SPAG16: variants seen among roughly 807,000 people sequenced by gnomAD.
SPAG16 encodes the protein sperm associated antigen 16, also known as sperm-associated antigen 16 protein.
In SPAG16, 86 loss-of-function variants were observed where a neutral mutation model predicts 80.4. The observed-to-expected ratio is 1.07, with a 90% CI of 0.90 to 1.28. The LOEUF (loss-of-function observed/expected upper bound fraction) is 1.28. Ranked by LOEUF, SPAG16 falls within the 50% of genes most tolerant of loss-of-function variation. SPAG16 has a pLI of 0.00. For missense variants in SPAG16, 870 were observed against 765.3 expected, an observed-to-expected ratio of 1.14 and a Z score of -1.61; for synonymous variants, 294 against 265.9, an observed-to-expected ratio of 1.11 and a Z score of -1.03.
chr2:213,291,416 T>C (rs2062269026), intron 1 of SPAG16, among the ~76,000 whole-genome samples: 1 of 152,238 alleles, frequency 6.6e-6, no homozygotes, highest in Admixed American at 6.5e-5. Context: ...AAATTTTAAA[T>C]ATAAATTATA....
chr2:213,431,392 C>A (rs971052251), intron 9 of SPAG16, among the ~76,000 whole-genome samples: 5 of 151,598 alleles, frequency 3.3e-5, no homozygotes, highest in Non-Finnish European at 7.4e-5. Flanking sequence ...CAACTACATG[C>A]TGCTTACTGG....
intron 15 of SPAG16, among the ~76,000 whole-genome samples, chr2:214,354,045 T>A (rs1415276578): frequency 6.6e-6 from 1 of 152,092 alleles, no homozygotes; most frequent in Admixed American, 6.6e-5. Context: ...TGTGATTATA[T>A]TACACATTGC....
At chr2:214,341,269 G>T (rs1697671371) in intron 15 of SPAG16, among the ~76,000 whole-genome samples, 1 of 152,046 alleles carries the variant, frequency 6.6e-6, no homozygotes, top group Non-Finnish European at 1.5e-5. Context: ...AGACACCAAG[G>T]ATCAACTCAA....
intron 9 of SPAG16, among the ~76,000 whole-genome samples, chr2:213,435,326 T>C (rs930137332): frequency 2.6e-5 from 4 of 152,140 alleles, no homozygotes; most frequent in African/African-American, 7.2e-5. Context: ...AAGTGAGTGC[T>C]AAAAAATGTA....
intron 12 of SPAG16, among the ~76,000 whole-genome samples, chr2:214,007,315 G>T (rs1221353309): frequency 6.6e-6 from 1 of 151,840 alleles, no homozygotes; most frequent in Non-Finnish European, 1.5e-5. Context: ...AAACAATATG[G>T]CCAGGGATGG....
intron 12 of SPAG16, among the ~76,000 whole-genome samples, chr2:213,969,045 A>G (rs1235728003): frequency 2.0e-5 from 3 of 152,192 alleles, no homozygotes; most frequent in African/African-American, 7.2e-5. Context: ...AACAAATGGC[A>G]TTTGAGGTGG....
intron 9 of SPAG16, among the ~76,000 whole-genome samples, chr2:213,385,760 A>G (rs60901776): frequency 0.023 from 3,495 of 149,846 alleles, 123 homozygotes; most frequent in African/African-American, 0.079. Flanking sequence ...TAAGATTTTT[A>G]AGTACGTTGT....
chr2:213,396,668 C>A (rs893770919), intron 9 of SPAG16: 3 of 456,424 alleles, frequency 6.6e-6, no homozygotes, highest in Non-Finnish European at 1.3e-5. Flanking sequence ...AAGAGAACAA[C>A]AGTGCACACC....
rs375638696 is a variant in SPAG16 at position 213,310,140 on chromosome 2, G to A, written c.361G>A (p.Gly121Arg). 6 of 1,610,692 alleles carry A rather than the reference G, an allele frequency of 3.7e-6. No homozygotes were observed. The African/African-American group carries it at 8.0e-5, about 22-fold the overall frequency. The stretch of plus-strand genomic sequence containing the variant: ...TCTCTGCAATTTCTTGATCAAAATG[G>A]GAATGACCAGAACTCTTGATTGCTT... ...DFLCNFLIKM[G>R]MTRTLDCFQS... The change falls in exon 4 of 16, where the codon GGA becomes AGA. Residue 121 changes from glycine to arginine, a missense_variant. By Grantham distance (125) the Gly-to-Arg change is moderately radical (BLOSUM62 -2). Transcript: ENST00000331683.
intron 13 of SPAG16, among the ~76,000 whole-genome samples, chr2:214,080,889 T>C: frequency 6.6e-6 from 1 of 151,738 alleles, no homozygotes; most frequent in Non-Finnish European, 1.5e-5. Flanking sequence ...AATACAGATA[T>C]ACAGATGGAG....
At chr2:213,976,807 G>A (rs1481304820) in intron 12 of SPAG16, among the ~76,000 whole-genome samples, 1 of 151,964 alleles carries the variant, frequency 6.6e-6, no homozygotes, top group African/African-American at 2.4e-5. Flanking sequence ...ACTTGAATGA[G>A]TTTGGAAGTG....
At chr2:213,519,996 C>T (rs919075230) in intron 10 of SPAG16, among the ~76,000 whole-genome samples, 28 of 151,880 alleles carry the variant, frequency 1.8e-4, no homozygotes, top group East Asian at 1.5e-3. Context: ...CACAAACATA[C>T]GCACAAACAC....
intron 15 of SPAG16, among the ~76,000 whole-genome samples, chr2:214,361,059 T>C (rs932286565): frequency 1.3e-5 from 2 of 151,814 alleles, no homozygotes; most frequent in Admixed American, 6.6e-5. Context: ...TAACAAGATA[T>C]GTGGAGAAGG....
chr2:214,123,397 C>CA (rs1209217897), intron 14 of SPAG16, among the ~76,000 whole-genome samples: 5 of 151,408 alleles, frequency 3.3e-5, no homozygotes, highest in Admixed American at 1.3e-4. Context: ...CCTCTTTGAC[C>CA]AAAAAAAATC....
At chr2:213,540,698 T>C (rs76237464) in intron 10 of SPAG16, among the ~76,000 whole-genome samples, 10,056 of 152,322 alleles carry the variant, frequency 0.066, 523 homozygotes, top group South Asian at 0.11. Flanking sequence ...TTCTTCACAA[T>C]TTGGAGAAGT....
chr2:213,858,065 A>G (rs568882859), intron 10 of SPAG16, among the ~76,000 whole-genome samples: 2 of 152,338 alleles, frequency 1.3e-5, no homozygotes, highest in South Asian at 4.1e-4. Flanking sequence ...ATGAGCAAAG[A>G]AAGTAGTTTC....
At chr2:214,336,406 A>G (rs1260364171) in intron 15 of SPAG16, among the ~76,000 whole-genome samples, 2 of 152,130 alleles carry the variant, frequency 1.3e-5, no homozygotes, top group Non-Finnish European at 2.9e-5. Context: ...GTATAAACAA[A>G]GAATAATTCA....
At chr2:214,062,477 A>ACATTAC (rs2050320253) in intron 13 of SPAG16, among the ~76,000 whole-genome samples, 1 of 151,066 alleles carries the variant, frequency 6.6e-6, no homozygotes, top group South Asian at 2.1e-4. Context: ...CCTCACTACA[A>ACATTAC]CATTACCACA....
intron 12 of SPAG16, among the ~76,000 whole-genome samples, chr2:213,978,060 A>G (rs1468538126): frequency 6.6e-6 from 1 of 150,874 alleles, no homozygotes; most frequent in Non-Finnish European, 1.5e-5. Context: ...ACAGAGTACT[A>G]TGAGACACCC....
Sources: gnomAD v4.1 joint callset for allele counts (sites outside exome capture counted in the v4.1 genomes callset) on GRCh38, gnomAD v4.1.1 for gene constraint, MANE v1.5 for transcripts, NCBI Gene and HGNC (gene_info 2026-07-23, HGNC 2026-07-21) for gene names.